The following COL19A1 variants were observed in gnomAD, a reference collection of about 807,000 sequenced individuals.
The protein encoded by COL19A1 is collagen alpha-1(XIX) chain.
COL19A1 carries 159 observed loss-of-function variants against 190.2 expected under a neutral mutation model. The ratio of observed to expected loss-of-function variants is 0.84; its 90% CI spans 0.73 to 0.95. The LOEUF (loss-of-function observed/expected upper bound fraction) is 0.95, where lower values mean the gene tolerates loss of function less well. Ranked by LOEUF, COL19A1 falls within the 40% of genes least tolerant of loss-of-function variation. COL19A1 has a pLI of 0.00. For synonymous variants in COL19A1, 509 were observed against 458.9 expected (o/e 1.11, Z -1.39); for missense variants, 1,418 against 1,431.9 (o/e 0.99, Z 0.16).
At chr6:70,009,136 C>T (rs1417154516) in intron 11 of COL19A1, among the ~76,000 whole-genome samples, 6 of 151,842 alleles carry the variant, frequency 4.0e-5, no homozygotes, top group Non-Finnish European at 8.8e-5. Context: ...TCAATATTAT[C>T]CTGGAGGTTC....
rs140670689 is a variant in COL19A1 at position 69,916,275 on chromosome 6, A to G, written c.267-11634A>G. Among the ~76,000 whole-genome samples the G allele has an allele frequency of 3.4e-3, 518 of 152,308 alleles. 8 individuals are homozygous for G. The highest frequency in any genetic ancestry group is 0.012 in the African/African-American group (490 of 41,560). On this transcript the variant is annotated intron_variant, in intron 4 of 50. Coordinates refer to ENST00000620364, the MANE Select transcript of COL19A1 (RefSeq NM_001858.6). Reference sequence around the variant, plus strand: ...TCTTTAAGGAAATGCTTGGTGAACCATGGCACATGTTTACCTATGTAACAA... The same window carrying G: ...TCTTTAAGGAAATGCTTGGTGAACCGTGGCACATGTTTACCTATGTAACAA...
chr6:69,920,993 C>T (rs1771681491), intron 4 of COL19A1, among the ~76,000 whole-genome samples: 18 of 41,700 alleles, frequency 4.3e-4, no homozygotes, highest in African/African-American at 6.2e-4. Flanking sequence ...TATATATATT[C>T]ATATATATAT....
chr6:69,900,438 G>A (rs1770107723), intron 4 of COL19A1, 100 bp downstream of exon 4: 2 of 602,842 alleles, frequency 3.3e-6, no homozygotes, highest in East Asian at 3.2e-5. Context: ...TTTCTCAATA[G>A]CATCATCCTC....
chr6:69,916,697 T>C (rs1426163403), intron 4 of COL19A1, among the ~76,000 whole-genome samples: 3 of 152,226 alleles, frequency 2.0e-5, no homozygotes, highest in Non-Finnish European at 2.9e-5. Context: ...ATTTTATTTA[T>C]TCATTTCTTG....
intron 14 of COL19A1, among the ~76,000 whole-genome samples, chr6:70,056,324 T>C (rs1780503711): frequency 6.6e-6 from 1 of 152,188 alleles, no homozygotes; most frequent in Non-Finnish European, 1.5e-5. Flanking sequence ...TAAAGATTTT[T>C]CTTGAGTGTC....
At chr6:70,018,447 G>A (rs1778238233) in intron 11 of COL19A1, among the ~76,000 whole-genome samples, 1 of 152,068 alleles carries the variant, frequency 6.6e-6, no homozygotes, top group African/African-American at 2.4e-5. Context: ...GGAACAAGAG[G>A]TGGACAGTTT....
Position 70,141,895 on chromosome 6 carries a change from A to G in COL19A1, c.1485A>G (p.Gly495=), listed in dbSNP as rs746829041. The change falls in exon 21 of 51, where the codon GGA becomes GGG. Residue 495 remains glycine (G), a splice_region_variant and synonymous_variant. Coordinates refer to ENST00000620364, the MANE Select transcript of COL19A1 (RefSeq NM_001858.6). ...TATAGTAATTATTTTATTTACAGGG[A>G]GAACCTGGGGTAATAGGATCACAGG... ...PFTKGEKGDR[G]EPGVIGSQGV... is the part of the protein sequence containing the mutation. The G allele has an allele frequency of 5.0e-6, 8 of 1,585,190 alleles. No homozygotes were observed.
chr6:70,173,063 C>G (rs1765590818), intron 41 of COL19A1, among the ~76,000 whole-genome samples: 1 of 152,148 alleles, frequency 6.6e-6, no homozygotes, highest in Non-Finnish European at 1.5e-5. Context: ...GTTTTATGAC[C>G]TGAGCAGTTT....
intron 14 of COL19A1, among the ~76,000 whole-genome samples, chr6:70,040,796 A>G (rs894509838): frequency 2.0e-5 from 3 of 152,320 alleles, no homozygotes; most frequent in South Asian, 4.1e-4. Flanking sequence ...TAACCTTTAA[A>G]TATTCTGTCA....
intron 34 of COL19A1, among the ~76,000 whole-genome samples, chr6:70,161,239 C>T (rs889650116): frequency 3.3e-5 from 5 of 152,238 alleles, no homozygotes; most frequent in Middle Eastern, 3.4e-3. Context: ...TATCATAAAA[C>T]ATATTCCATT....
intron 41 of COL19A1, among the ~76,000 whole-genome samples, chr6:70,173,362 G>A (rs774397226): frequency 2.0e-5 from 3 of 152,214 alleles, no homozygotes; most frequent in East Asian, 3.9e-4. Context: ...TTTAGAAACA[G>A]AAGAGTCAAG....
chr6:70,150,694 C>T (rs1787000401), intron 30 of COL19A1, among the ~76,000 whole-genome samples: 1 of 152,142 alleles, frequency 6.6e-6, no homozygotes, highest in Non-Finnish European at 1.5e-5. Context: ...CTAAGCCTCA[C>T]AAATCCTTTC....
chr6:70,152,129 A>G (rs1251942797), intron 31 of COL19A1, among the ~76,000 whole-genome samples: 2 of 151,868 alleles, frequency 1.3e-5, no homozygotes, highest in Admixed American at 6.6e-5. Flanking sequence ...TCTGCCTGAT[A>G]TGCTAAGATT....
At chr6:69,966,681 A>T (rs1244951244) in intron 11 of COL19A1, among the ~76,000 whole-genome samples, 5 of 151,984 alleles carry the variant, frequency 3.3e-5, no homozygotes, top group African/African-American at 4.8e-5. Flanking sequence ...CTTTGTTCAC[A>T]TGTTTATCTG....
intron 1 of COL19A1, among the ~76,000 whole-genome samples, chr6:69,878,983 A>G (rs1248106176): frequency 6.6e-6 from 1 of 152,358 alleles, no homozygotes; most frequent in Non-Finnish European, 1.5e-5. Context: ...TATATGAAGT[A>G]CCTAGATTAG....
chr6:69,975,407 T>C (rs1025885770), intron 11 of COL19A1, among the ~76,000 whole-genome samples: 2 of 152,198 alleles, frequency 1.3e-5, no homozygotes, highest in African/African-American at 4.8e-5. Context: ...TCCTGGCTCC[T>C]GGACAGCTCA....
chr6:70,033,630 T>C (rs572982905), intron 12 of COL19A1, among the ~76,000 whole-genome samples: 8 of 152,246 alleles, frequency 5.3e-5, no homozygotes, highest in Non-Finnish European at 8.8e-5. Flanking sequence ...AGAGGACTTA[T>C]GAAAATATTT....
At chr6:70,163,288 C>A (rs768830964) in intron 35 of COL19A1, 55 bp from the exon 36 acceptor site, 20 of 1,520,872 alleles carry the variant, frequency 1.3e-5, no homozygotes, top group Non-Finnish European at 1.7e-5. Flanking sequence ...ACTTCCAATA[C>A]CCTTTGGCCA....
At chr6:69,992,613 G>A (rs1269681507) in intron 11 of COL19A1, among the ~76,000 whole-genome samples, 2 of 151,956 alleles carry the variant, frequency 1.3e-5, no homozygotes, top group Non-Finnish European at 2.9e-5. Flanking sequence ...ATTTGTCTGT[G>A]TCATCTCTAA....
Sources: gnomAD v4.1 joint callset for allele counts (sites outside exome capture counted in the v4.1 genomes callset) on GRCh38, gnomAD v4.1.1 for gene constraint, MANE v1.5 for transcripts, NCBI Gene and HGNC (gene_info 2026-07-23, HGNC 2026-07-21) for gene names.